PRKCB: variants seen among roughly 807,000 people sequenced by gnomAD.
PRKCB encodes the protein protein kinase C beta type.
A neutral mutation model predicts 81.5 loss-of-function variants in PRKCB; 13 were observed. The ratio of observed to expected loss-of-function variants is 0.16; its 90% CI spans 0.10 to 0.25. The LOEUF (loss-of-function observed/expected upper bound fraction) is 0.25. PRKCB is among the 10% of genes least tolerant of loss of function. PRKCB has a pLI of 1.00. For missense variants in PRKCB, 509 were observed against 875.7 expected, an observed-to-expected ratio of 0.58 and a Z score of 5.29; for synonymous variants, 335 against 321.4, an observed-to-expected ratio of 1.04 and a Z score of -0.45.
Position 23,985,388 on chromosome 16 carries a change from C to T in PRKCB, c.206-3120C>T, listed in dbSNP as rs934411550. Among the ~76,000 whole-genome samples the T allele has an allele frequency of 2.6e-5, 4 of 152,138 alleles. No individual in the cohort carries two copies. The East Asian group carries it at 5.8e-4, about 22-fold the overall frequency. ...CTAGGATTACAGGCATGAACCACTG[C>T]GCACAGCTATTTGCTTTCCTATTTT... On this transcript the variant is annotated intron_variant, in intron 2 of 16. Coordinates refer to ENST00000643927, the MANE Select transcript of PRKCB (RefSeq NM_002738.7).
chr16:23,887,752 A>G lies in PRKCB; in HGVS notation c.205+50346A>G, dbSNP rs539257654. On this transcript the variant is annotated intron_variant, in intron 2 of 16. Transcript: ENST00000643927. The stretch of plus-strand genomic sequence containing the variant: ...TGGATTGAATGGCAATTCTATTTTT[A>G]GTTCTTTGAGAAGTCTCTAAACTGC... Among the ~76,000 whole-genome samples the G allele has an allele frequency of 3.4e-4, 52 of 152,314 alleles. No homozygotes were observed. The South Asian group carries it at 9.1e-3, about 27-fold the overall frequency.
chr16:23,902,728 T>TCCTC (rs1482776399), intron 2 of PRKCB, among the ~76,000 whole-genome samples: 5 of 20,362 alleles, frequency 2.5e-4, no homozygotes, highest in African/African-American at 1.2e-3. Context: ...CTCCCTCCCT[T>TCCTC]CCTCCCTTCC....
chr16:24,057,166 C>A (rs563770193), intron 5 of PRKCB, among the ~76,000 whole-genome samples: 1 of 152,332 alleles, frequency 6.6e-6, no homozygotes, highest in African/African-American at 2.4e-5. Context: ...ATTGTTCAGA[C>A]TCTGCCCTTC....
At chr16:24,150,792 G>A (rs945912121) in intron 9 of PRKCB, among the ~76,000 whole-genome samples, 3 of 152,156 alleles carry the variant, frequency 2.0e-5, no homozygotes, top group Non-Finnish European at 2.9e-5. Context: ...AATATTTCCT[G>A]TTTGGCCCTT....
In PRKCB at chr16:24,216,115, G is replaced by A. The variant is rs113196567; in HGVS notation, c.*1299G>A. ...TCAGGAGAAAGGAACTAACTGCGGA[G>A]CTTTAATCTTGGCCCCAGTGTTCAG... is the stretch of plus-strand genomic sequence containing the variant. On this transcript the variant is annotated 3_prime_UTR_variant, in exon 17 of 17. Transcript: ENST00000643927. 2 of 985,332 alleles carry A rather than the reference G, an allele frequency of 2.0e-6. No individual in the cohort carries two copies. Among genetic ancestry groups the A allele is most frequent in the Admixed American group, 6.2e-5 (1 of 16,254 alleles). The allele number at this position is 985,332 out of a possible 1,614,324, so 61.0% of individuals were successfully genotyped here.
intron 11 of PRKCB, among the ~76,000 whole-genome samples, 167 bp downstream of exon 11, chr16:24,172,528 C>CT (rs200098267): frequency 0.011 from 1,610 of 151,998 alleles, 23 homozygotes; most frequent in African/African-American, 0.036. Context: ...TGAGATACTT[C>CT]TTTTTTTTCT....
At chr16:23,869,024 A>G (rs1962856964) in intron 2 of PRKCB, 1 of 429,470 alleles carries the variant, frequency 2.3e-6, no homozygotes, top group South Asian at 1.6e-5. Flanking sequence ...CCTGTGGTGG[A>G]TTGTGTTGTT....
At chr16:23,948,230 C>T (rs1054052986) in intron 2 of PRKCB, among the ~76,000 whole-genome samples, 7 of 152,080 alleles carry the variant, frequency 4.6e-5, no homozygotes, top group African/African-American at 9.7e-5. Flanking sequence ...GTGGTGGCAG[C>T]GGGTTCTGTA....
At chr16:23,875,634 C>CAT (rs1962994799) in intron 2 of PRKCB, among the ~76,000 whole-genome samples, 1 of 94,526 alleles carries the variant, frequency 1.1e-5, no homozygotes, top group African/African-American at 3.5e-5. Flanking sequence ...GTATGTATAT[C>CAT]ACACATATAT....
intron 2 of PRKCB, among the ~76,000 whole-genome samples, chr16:23,958,188 C>T (rs1015965413): frequency 1.4e-4 from 21 of 152,014 alleles, no homozygotes; most frequent in African/African-American, 4.1e-4. Context: ...GACAGGGTTT[C>T]GCCATGTTGG....
rs3051483 is a variant in PRKCB, at chr16:24,050,466, A to AACACAC, written c.529+14940_529+14945dup. On this transcript the variant is annotated intron_variant, in intron 5 of 16. Transcript: ENST00000643927. ...CTTCCAGCCCATCTAGGTTTTATGT[A>AACACAC]ACACACACACACACACACACACACA... Among the ~76,000 whole-genome samples, 437 of 149,372 alleles carry AACACAC rather than the reference A, an allele frequency of 2.9e-3. 4 individuals carry two copies. Among genetic ancestry groups the AACACAC allele is most frequent in the Non-Finnish European group, 4.3e-3 (289 of 67,082 alleles).
At chr16:24,021,231 T>TTTCTTTCTTTCTTTCC (rs1555491133) in intron 3 of PRKCB, among the ~76,000 whole-genome samples, 1 of 13,600 alleles carries the variant, frequency 7.4e-5, no homozygotes, top group African/African-American at 2.6e-4. Flanking sequence ...TCTTTCTTTC[T>TTTCTTTCTTTCTTTCC]TTCCTTCCTT....
chr16:24,203,327 G>A (rs564724236), intron 16 of PRKCB: 1 of 151,926 alleles, frequency 6.6e-6, no homozygotes, highest in South Asian at 2.1e-4. Context: ...GGAAGTACAA[G>A]ATCAGGGGCT....
At position 24,090,660 on chromosome 16, in the gene PRKCB, G is replaced by T. The variant is rs8057038; in HGVS notation, c.530-2131G>T. Reference sequence around the variant, plus strand: ...GTTGGGTTCGAGGGACTGATTGGTGGAGAATGGACTGACGAATAGGGGAAG... The same window carrying T: ...GTTGGGTTCGAGGGACTGATTGGTGTAGAATGGACTGACGAATAGGGGAAG... On this transcript the variant is annotated intron_variant, in intron 5 of 16. Transcript: ENST00000643927. Among the ~76,000 whole-genome samples the T allele has an allele frequency of 7.1e-3, 1,084 of 152,294 alleles. 15 individuals carry two copies. Among genetic ancestry groups the T allele is most frequent in the African/African-American group, 0.025 (1,024 of 41,540 alleles).
intron 7 of PRKCB, among the ~76,000 whole-genome samples, chr16:24,109,326 C>T (rs1361262474): frequency 5.6e-5 from 5 of 89,676 alleles, no homozygotes; most frequent in African/African-American, 1.6e-4. Flanking sequence ...GGCTGCCGGG[C>T]GGAGACGCTC....
intron 2 of PRKCB, among the ~76,000 whole-genome samples, chr16:23,913,052 T>G (rs1427388045): frequency 6.6e-6 from 1 of 152,074 alleles, no homozygotes; most frequent in Non-Finnish European, 1.5e-5. Context: ...CTGCCCACCT[T>G]GACCTCTCCA....
chr16:23,973,105 A>G (rs1453112316), intron 2 of PRKCB, among the ~76,000 whole-genome samples: 1 of 152,210 alleles, frequency 6.6e-6, no homozygotes, highest in Non-Finnish European at 1.5e-5. Flanking sequence ...GGGGTCATAC[A>G]GTGAGCATGT....
chr16:24,078,251 T>C (rs1004364307), intron 5 of PRKCB, among the ~76,000 whole-genome samples: 10 of 152,228 alleles, frequency 6.6e-5, no homozygotes, highest in African/African-American at 2.4e-4. Flanking sequence ...GAGAGGGGGC[T>C]GTTGAGCACC....
chr16:24,057,928 C>T (rs1482405027), intron 5 of PRKCB, among the ~76,000 whole-genome samples: 2 of 152,168 alleles, frequency 1.3e-5, no homozygotes, highest in Non-Finnish European at 2.9e-5. Flanking sequence ...ATGTCACCCC[C>T]CTGCTTAAAT....
Sources: allele counts gnomAD v4.1 joint callset (sites outside exome capture counted in the v4.1 genomes callset), GRCh38; gene constraint gnomAD v4.1.1; transcripts MANE v1.5; gene names NCBI Gene and HGNC (gene_info 2026-07-23, HGNC 2026-07-21).